PHACTR3: variants seen among roughly 807,000 people sequenced by gnomAD.
The protein encoded by PHACTR3 is phosphatase and actin regulator 3, also known as protein phosphatase 1, regulatory subunit 123.
Under a neutral mutation model 66.8 loss-of-function variants are expected in PHACTR3, and 16 were observed. The observed-to-expected ratio is 0.24, with a 90% CI of 0.16 to 0.36. The LOEUF (loss-of-function observed/expected upper bound fraction) is 0.36, where lower values mean the gene tolerates loss of function less well. Among genes scored for constraint, PHACTR3 ranks in the 10% least tolerant of loss-of-function variants. PHACTR3 has a pLI of 1.00. For synonymous variants in PHACTR3, 323 were observed against 292.1 expected, an observed-to-expected ratio of 1.11 and a Z score of -1.08; for missense variants, 647 against 719.9, an observed-to-expected ratio of 0.90 and a Z score of 1.16.
chr20:59,704,996 G>A (rs547286489), intron 1 of PHACTR3, among the ~76,000 whole-genome samples: 9 of 145,564 alleles, frequency 6.2e-5, no homozygotes, highest in African/African-American at 1.5e-4. Context: ...TCACTCTGTC[G>A]CCCAGACTGG....
In PHACTR3 at chr20:59,841,553, C is replaced by T. The variant is rs1211541213; in HGVS notation, c.1587+18C>T. On this transcript the variant is annotated intron_variant, in intron 11 of 12. Coordinates refer to ENST00000371015, the MANE Select transcript of PHACTR3 (RefSeq NM_080672.5). ...CAGATAAGGTACCTAACTGCCTGTG[C>T]TGGTGGGGGGTGTTGGATGATATAA... is the stretch of plus-strand genomic sequence containing the variant. The T allele has an allele frequency of 6.2e-7, 1 of 1,607,554 alleles. No homozygotes were observed. The highest frequency in any genetic ancestry group is 8.5e-7 in the Non-Finnish European group (1 of 1,177,110).
chr20:59,640,161 A>C (rs6027012), intron 1 of PHACTR3, among the ~76,000 whole-genome samples: 109,936 of 152,174 alleles, frequency 0.72, 39,835 homozygotes, highest in East Asian at 0.91. Context: ...GCTGAGCAAT[A>C]TTGGGAAAGA....
intron 8 of PHACTR3, among the ~76,000 whole-genome samples, chr20:59,819,012 G>A (rs1019606892): frequency 2.6e-5 from 4 of 152,162 alleles, no homozygotes; most frequent in South Asian, 2.1e-4. Context: ...TCCCCTTGAC[G>A]TCTGGGGGCT....
intron 1 of PHACTR3, among the ~76,000 whole-genome samples, chr20:59,722,819 G>A (rs1162823179): frequency 6.6e-6 from 1 of 152,014 alleles, no homozygotes; most frequent in Admixed American, 6.5e-5. Context: ...AGGAGCCTCT[G>A]CTCACGGTGG....
At chr20:59,831,859 G>A (rs777454267) in intron 8 of PHACTR3, among the ~76,000 whole-genome samples, 10 of 152,198 alleles carry the variant, frequency 6.6e-5, no homozygotes, top group Admixed American at 1.3e-4. Flanking sequence ...CGCCGGCTCT[G>A]GGGGTCTGCT....
chr20:59,836,318 C>CT (rs2058964532), intron 8 of PHACTR3, 187 bp from the exon 9 acceptor site: 5 of 567,916 alleles, frequency 8.8e-6, no homozygotes, highest in Non-Finnish European at 1.5e-5. Flanking sequence ...AGAGCTTTGA[C>CT]TGTCACCTGG....
intron 8 of PHACTR3, among the ~76,000 whole-genome samples, chr20:59,831,484 T>C (rs538281171): frequency 6.6e-6 from 1 of 151,234 alleles, no homozygotes; most frequent in Non-Finnish European, 1.5e-5. Flanking sequence ...GTGGGGAGAG[T>C]CAGAAATAGA....
rs758301388 is a variant in PHACTR3, at chr20:59,774,488, C to G, written c.1172C>G (p.Ser391Cys). Residue 391 changes from serine to cysteine, a missense_variant and splice_region_variant, in exon 7 of 13, where the codon TCT becomes TGT. Transcript: ENST00000371015. ...GAGGCGCTGAACGACTCCATTATTTCTGGTGAGGAAAGGATGGCCCATTAA... is the reference window on the plus strand; with the variant it reads ...GAGGCGCTGAACGACTCCATTATTTGTGGTGAGGAAAGGATGGCCCATTAA... The part of the protein sequence containing the change: ...DEEALNDSII[S>C]GTLPRKCKKE... 2.0e-5 allele frequency: 33 copies of G among 1,613,156 alleles called. No homozygotes were observed. The highest frequency in any genetic ancestry group is 2.8e-5 in the Non-Finnish European group (33 of 1,179,608).
chr20:59,649,159 A>T (rs1453843620), intron 1 of PHACTR3, among the ~76,000 whole-genome samples: 1 of 152,238 alleles, frequency 6.6e-6, no homozygotes, highest in Non-Finnish European at 1.5e-5. Flanking sequence ...AAAAGACACT[A>T]ATGAGAGTGA....
At chr20:59,828,613 G>A (rs2042259789) in intron 8 of PHACTR3, among the ~76,000 whole-genome samples, 1 of 152,120 alleles carries the variant, frequency 6.6e-6, no homozygotes. Flanking sequence ...ACCCGTGTGA[G>A]GAGAAGGACA....
intron 1 of PHACTR3, among the ~76,000 whole-genome samples, chr20:59,583,386 A>C (rs2032916347): frequency 6.6e-6 from 1 of 152,194 alleles, no homozygotes; most frequent in Non-Finnish European, 1.5e-5. Flanking sequence ...AACTCAGAGC[A>C]GATTTTGGGC....
intron 1 of PHACTR3, among the ~76,000 whole-genome samples, chr20:59,667,348 G>T (rs770971446): frequency 1.3e-5 from 2 of 152,242 alleles, no homozygotes; most frequent in African/African-American, 2.4e-5. Flanking sequence ...CTGCCACCTG[G>T]GCTGCTTTGC....
At chr20:59,598,698 C>G (rs773277835) in intron 1 of PHACTR3, among the ~76,000 whole-genome samples, 7 of 152,134 alleles carry the variant, frequency 4.6e-5, no homozygotes, top group Non-Finnish European at 7.3e-5. Flanking sequence ...GGTCACAGCT[C>G]TAGGTAGAGA....
At chr20:59,834,540 A>G (rs2042471115) in intron 8 of PHACTR3, among the ~76,000 whole-genome samples, 1 of 152,154 alleles carries the variant, frequency 6.6e-6, no homozygotes, top group Non-Finnish European at 1.5e-5. Context: ...TACCAAGTGG[A>G]TTCTGTGTAA....
At chr20:59,753,879 A>C (rs967708636) in intron 3 of PHACTR3, among the ~76,000 whole-genome samples, 6 of 152,118 alleles carry the variant, frequency 3.9e-5, no homozygotes, top group Non-Finnish European at 5.9e-5. Context: ...ATCGGGACTG[A>C]CCAGGTCCTA....
intron 7 of PHACTR3, among the ~76,000 whole-genome samples, chr20:59,797,803 T>C (rs906319587): frequency 6.6e-6 from 1 of 152,204 alleles, no homozygotes; most frequent in African/African-American, 2.4e-5. Context: ...TAAACTAATC[T>C]TGCCTTCCTG....
At chr20:59,819,775 C>T (rs966017919) in intron 8 of PHACTR3, among the ~76,000 whole-genome samples, 2 of 151,576 alleles carry the variant, frequency 1.3e-5, no homozygotes, top group African/African-American at 2.4e-5. Flanking sequence ...ACTGGCCACC[C>T]GTCAGCTGAG....
rs184782533 is a variant in PHACTR3 at position 59,633,040 on chromosome 20, T to A, written c.118+27908T>A. 3.3e-5 allele frequency among the ~76,000 whole-genome samples: 5 copies of A among 151,928 alleles called. No individual in the cohort carries two copies. In the East Asian group the frequency reaches 9.7e-4, roughly 29 times the overall value. ...TGCACGGGGGCAGGAAGGAGAGGAG[T>A]GTGGGAGTTGATGGGGAGATGAGAG... On this transcript the variant is annotated intron_variant, in intron 1 of 12. Transcript: ENST00000371015.
At chr20:59,621,074 C>G (rs1237339916) in intron 1 of PHACTR3, among the ~76,000 whole-genome samples, 2 of 152,178 alleles carry the variant, frequency 1.3e-5, no homozygotes, top group South Asian at 2.1e-4. Context: ...GTGGAGTGCT[C>G]CCATCATTGT....
Sources: allele counts gnomAD v4.1 joint callset (sites outside exome capture counted in the v4.1 genomes callset), GRCh38; gene constraint gnomAD v4.1.1; transcripts MANE v1.5; gene names NCBI Gene and HGNC (gene_info 2026-07-23, HGNC 2026-07-21).